Variants in ZNF334 observed in about 807,000 individuals in gnomAD.
The protein encoded by ZNF334 is zinc finger protein 334.
Under a neutral mutation model 12.4 loss-of-function variants are expected in ZNF334, and 14 were observed. The ratio of observed to expected loss-of-function variants is 1.13; its 90% CI spans 0.74 to 1.76. The LOEUF is 1.76. ZNF334 is among the 40% of genes most tolerant of loss of function. ZNF334 has a pLI of 0.00. For synonymous variants in ZNF334, 273 were observed against 269.6 expected, an observed-to-expected ratio of 1.01 and a Z score of -0.12; for missense variants, 797 against 804.5, an observed-to-expected ratio of 0.99 and a Z score of 0.11.
At chr20:46,494,663 A>T (rs1224634285), downstream of ZNF334, among the ~76,000 whole-genome samples, 2 of 152,216 alleles carry the variant, frequency 1.3e-5, no homozygotes, top group Admixed American at 1.3e-4. Context: ...TTGGTCCTTA[A>T]TATCCTGGGT....
chr20:46,503,233 G>T, intron 4 of ZNF334, 136 bp from the exon 5 acceptor site: 1 of 1,036,264 alleles, frequency 9.7e-7, no homozygotes, highest in Non-Finnish European at 1.3e-6. Context: ...AATTTCAAGT[G>T]CAAATATCTC....
chr20:46,481,693 T>C, the ZNF334 span, among the ~76,000 whole-genome samples: 2 of 152,132 alleles, frequency 1.3e-5, no homozygotes, highest in Non-Finnish European at 2.9e-5. Context: ...GATGCCACCA[T>C]ATTTCTGGGT....
At chr20:46,510,381 T>C (rs1001906067) in intron 2 of ZNF334, among the ~76,000 whole-genome samples, 2 of 151,682 alleles carry the variant, frequency 1.3e-5, no homozygotes, top group African/African-American at 4.8e-5. Context: ...TGTGACAACA[T>C]TAGCAAGCTC....
chr20:46,508,530 G>C (rs1237455869), intron 2 of ZNF334, among the ~76,000 whole-genome samples: 2 of 152,228 alleles, frequency 1.3e-5, no homozygotes, highest in African/African-American at 4.8e-5. Flanking sequence ...ACGGTTAAAA[G>C]CAAGAGTGTA....
chr20:46,476,872 T>C, the ZNF334 span: 1 of 152,238 alleles, frequency 6.6e-6, no homozygotes, highest in East Asian at 1.9e-4. Flanking sequence ...CAGACAACTT[T>C]GGGATATATC....
At chr20:46,509,962 G>C (rs1391561530) in intron 2 of ZNF334, among the ~76,000 whole-genome samples, 1 of 152,204 alleles carries the variant, frequency 6.6e-6, no homozygotes, top group African/African-American at 2.4e-5. Context: ...TGAGCTCCAT[G>C]AGGACAGAGA....
the ZNF334 span, among the ~76,000 whole-genome samples, chr20:46,488,417 T>TATATATATATA: frequency 5.1e-5 from 5 of 98,016 alleles, no homozygotes; most frequent in African/African-American, 2.6e-4. Context: ...GTAGCTCTTA[T>TATATATATATA]TTTATATATA....
At chr20:46,469,138 G>GT in the ZNF334 span, among the ~76,000 whole-genome samples, 5 of 152,080 alleles carry the variant, frequency 3.3e-5, no homozygotes, top group East Asian at 9.6e-4. Flanking sequence ...ATTAAAAACT[G>GT]ACCATGTGAA....
At chr20:46,466,569 T>C in the ZNF334 span, among the ~76,000 whole-genome samples, 3 of 152,186 alleles carry the variant, frequency 2.0e-5, no homozygotes, top group East Asian at 5.8e-4. Context: ...TTACAACCTC[T>C]GCCTCCTGGG....
At chr20:46,491,952 T>G in the ZNF334 span, 1 of 153,540 alleles carries the variant, frequency 6.5e-6, no homozygotes, top group Admixed American at 6.6e-5. Flanking sequence ...AATTCAAATC[T>G]TAATAAACAC....
the ZNF334 span, chr20:46,491,780 A>G: frequency 1.3e-5 from 2 of 153,128 alleles, no homozygotes; most frequent in African/African-American, 4.8e-5. Context: ...ATATCGGTCA[A>G]ACTTTACTAA....
At chr20:46,464,619 A>G in the ZNF334 span, 1 of 417,248 alleles carries the variant, frequency 2.4e-6, no homozygotes, top group East Asian at 5.5e-5. Flanking sequence ...ACATGATCAC[A>G]TGACTCTCTG....
chr20:46,501,124 T>C lies in ZNF334; in HGVS notation c.*172A>G, dbSNP rs1338022239. The C allele has an allele frequency of 5.7e-6, 4 of 705,978 alleles. No individual in the cohort carries two copies. In the African/African-American group the frequency reaches 7.1e-5, roughly 13 times the overall value. 43.7% of individuals were successfully genotyped at this position (705,978 alleles called of 1,614,324 possible). Reference sequence around the variant, plus strand: ...AATAATACATTTATTAAACAAATTATTTCTTTCCTACATGATTTCTCTGAT... The same window carrying C: ...AATAATACATTTATTAAACAAATTACTTCTTTCCTACATGATTTCTCTGAT... On this transcript the variant is annotated 3_prime_UTR_variant, in exon 5 of 5. Coordinates refer to ENST00000692313, the MANE Select transcript of ZNF334 (RefSeq NM_001353824.2).
the ZNF334 span, among the ~76,000 whole-genome samples, chr20:46,470,462 A>G: frequency 6.6e-6 from 1 of 152,226 alleles, no homozygotes; most frequent in Non-Finnish European, 1.5e-5. Context: ...GGCAGGAGGG[A>G]TGCCTTATGG....
the ZNF334 span, chr20:46,485,547 C>A: frequency 2.0e-5 from 3 of 151,354 alleles, no homozygotes; most frequent in Non-Finnish European, 4.4e-5. Flanking sequence ...TGGAAAGAGA[C>A]GACTACCTTC....
rs772073464 is a variant in ZNF334 at position 46,502,172 on chromosome 20, C to T, written c.1167G>A (p.Gln389=). Residue 389 remains glutamine (Q), a synonymous_variant, in exon 5 of 5, where the codon CAG becomes CAA. Coordinates refer to ENST00000692313, the MANE Select transcript of ZNF334 (RefSeq NM_001353824.2). ...CKECGKTFFC[Q]SALTAHQRIH... is the part of the protein sequence containing the mutation. ...TTCTCTGATGCGCAGTAAGGGCTGACTGACAGAAGAAGGTTTTCCCACATT... is the reference window on the plus strand; with the variant it reads ...TTCTCTGATGCGCAGTAAGGGCTGATTGACAGAAGAAGGTTTTCCCACATT... 3 of 1,613,910 alleles carry T rather than the reference C, an allele frequency of 1.9e-6. No homozygotes were observed. In the African/African-American group the frequency reaches 4.0e-5, roughly 22 times the overall value.
downstream of ZNF334, among the ~76,000 whole-genome samples, chr20:46,494,696 CAT>C (rs2060992276): frequency 6.6e-6 from 1 of 152,162 alleles, no homozygotes. Flanking sequence ...GGAGCCATTT[CAT>C]ATGTTTCAAA....
At chr20:46,496,453 A>G (rs1438282336), downstream of ZNF334, among the ~76,000 whole-genome samples, 1 of 152,214 alleles carries the variant, frequency 6.6e-6, no homozygotes, top group East Asian at 1.9e-4. Context: ...TCTTTACAAA[A>G]GTGTGGGAAG....
the ZNF334 span, among the ~76,000 whole-genome samples, chr20:46,478,411 T>C: frequency 6.6e-6 from 1 of 152,216 alleles, no homozygotes; most frequent in East Asian, 1.9e-4. Flanking sequence ...GATTAAGTTA[T>C]TACCTAAAGA....
Sources: gnomAD v4.1 joint callset for allele counts (sites outside exome capture counted in the v4.1 genomes callset) on GRCh38, gnomAD v4.1.1 for gene constraint, MANE v1.5 for transcripts, NCBI Gene and HGNC (gene_info 2026-07-23, HGNC 2026-07-21) for gene names.